The following ZNF512 variants were observed in gnomAD, a reference collection of about 807,000 sequenced individuals.
ZNF512 encodes the protein zinc finger protein 512.
ZNF512 carries 25 observed loss-of-function variants against 77.5 expected under a neutral mutation model. The observed-to-expected ratio is 0.32, with a 90% CI of 0.23 to 0.45. ZNF512 has a LOEUF of 0.45. Among genes scored for constraint, ZNF512 ranks in the 20% least tolerant of loss-of-function variants. The pLI, the probability that ZNF512 is intolerant of heterozygous loss-of-function variation, is 1.00. For missense variants in ZNF512, 483 were observed against 692.6 expected, an observed-to-expected ratio of 0.70 and a Z score of 3.40; for synonymous variants, 246 against 239.9, an observed-to-expected ratio of 1.03 and a Z score of -0.24.
At chr2:27,594,423 G>A (rs1243825147) in intron 2 of ZNF512, among the ~76,000 whole-genome samples, 1 of 142,748 alleles carries the variant, frequency 7.0e-6, no homozygotes, top group Admixed American at 7.0e-5. Flanking sequence ...ACGGGGTGGC[G>A]GCTGGGCAGA....
Position 27,609,062 on chromosome 2 carries a change from T to C in ZNF512, c.1131+1023T>C, listed in dbSNP as rs561641012. Among the ~76,000 whole-genome samples, 5 of 151,130 alleles carry C rather than the reference T, an allele frequency of 3.3e-5. No homozygotes were observed. In the South Asian group the frequency reaches 6.3e-4, roughly 19 times the overall value. Reference sequence around the variant, plus strand: ...AGGTGGAGGTTGCAGTGAGCCAAGATTGGACCACTGCACTCCAGCCTGGGT... The same window carrying C: ...AGGTGGAGGTTGCAGTGAGCCAAGACTGGACCACTGCACTCCAGCCTGGGT... On this transcript the variant is annotated intron_variant, in intron 10 of 13. Coordinates refer to ENST00000355467, the MANE Select transcript of ZNF512 (RefSeq NM_032434.4).
chr2:27,616,137 T>A, intron 11 of ZNF512, 125 bp from the exon 12 acceptor site: 1 of 644,180 alleles, frequency 1.6e-6, no homozygotes. Flanking sequence ...TTTTTTCGTT[T>A]GTTTTGTGGC....
chr2:27,608,021 G>T lies in ZNF512; in HGVS notation c.1113G>T (p.Leu371=). The T allele has an allele frequency of 6.3e-7, 1 of 1,576,196 alleles. No homozygotes were observed. Among genetic ancestry groups the T allele is most frequent in the South Asian group, 1.2e-5 (1 of 84,844 alleles). ...EWPKRKVLQD[L]VPDDRKLKYT... ...CCAAGAGGAAGGTGCTTCAGGACCT[G>T]GTACCTGATGATCGAAAGGTAAGGC... Residue 371 remains leucine, a synonymous_variant, in exon 10 of 14, where the codon CTG becomes CTT. Transcript: ENST00000355467.
At position 27,622,481 on chromosome 2, in the gene ZNF512, C is replaced by G. The variant is rs1673161354; in HGVS notation, c.*1020C>G. On this transcript the variant is annotated 3_prime_UTR_variant, in exon 14 of 14. Coordinates refer to ENST00000355467, the MANE Select transcript of ZNF512 (RefSeq NM_032434.4). ...TTTTCTGAGAATATTGTCCTATCCT[C>G]TTTTATATATGGAGTTCTCTCCTCT... 1 of 152,736 alleles carries G rather than the reference C, an allele frequency of 6.5e-6. No homozygotes were observed. Among genetic ancestry groups the G allele is most frequent in the African/African-American group, 2.4e-5 (1 of 41,436 alleles). 9.5% of individuals were successfully genotyped at this position (152,736 alleles called of 1,614,324 possible). A position where few individuals can be genotyped will look rare whatever the true frequency, so the allele number is the denominator to read the frequency against.
At position 27,611,976 on chromosome 2, in the gene ZNF512, G is replaced by A. The variant is rs571905785; in HGVS notation, c.1132-3192G>A. Among the ~76,000 whole-genome samples, 29 of 152,194 alleles carry A rather than the reference G, an allele frequency of 1.9e-4. 1 individual carries two copies. In the East Asian group the frequency reaches 3.9e-3, roughly 20 times the overall value. ...GCTGGGATTACAGGCATGAACCACC[G>A]TGCGTGGCCGCCTGTAACAGTTATG... is the stretch of plus-strand genomic sequence containing the variant. On this transcript the variant is annotated intron_variant, in intron 10 of 13. Transcript: ENST00000355467.
intron 2 of ZNF512, among the ~76,000 whole-genome samples, chr2:27,584,014 A>G (rs1671227073): frequency 1.3e-5 from 2 of 152,196 alleles, no homozygotes; most frequent in South Asian, 4.1e-4. Context: ...TATCATAGCT[A>G]CTAGCCCCGT....
At chr2:27,605,504 C>G (rs1053951804) in intron 9 of ZNF512, among the ~76,000 whole-genome samples, 1 of 151,640 alleles carries the variant, frequency 6.6e-6, no homozygotes, top group Non-Finnish European at 1.5e-5. Flanking sequence ...GAAACAGGGT[C>G]TTGCTCTTTT....
chr2:27,602,989 G>A (rs1007293891), intron 8 of ZNF512, 151 bp from the exon 9 acceptor site: 2 of 846,484 alleles, frequency 2.4e-6, no homozygotes, highest in Non-Finnish European at 3.7e-6. Context: ...ACAAGGAAGG[G>A]TTGTGCTGAT....
intron 10 of ZNF512, among the ~76,000 whole-genome samples, chr2:27,614,246 C>T (rs532703950): frequency 6.6e-6 from 1 of 152,150 alleles, no homozygotes; most frequent in Non-Finnish European, 1.5e-5. Context: ...CCATGGTGGA[C>T]TTTGCAAGAA....
chr2:27,598,404 C>A lies in ZNF512; in HGVS notation c.277+150C>A, dbSNP rs1051802957. 1.7e-5 allele frequency: 12 copies of A among 699,958 alleles called. No homozygotes were observed. The East Asian group carries it at 1.8e-4, about 10-fold the overall frequency. The allele number at this position is 699,958 out of a possible 1,614,324, so 43.4% of individuals were successfully genotyped here. ...CAGCACTTTGGGAGGTCGAGGCGGG[C>A]GGATCACAAGGTCAGGAGATCGAGA... On this transcript the variant is annotated intron_variant, in intron 3 of 13. Transcript: ENST00000355467.
Position 27,600,868 on chromosome 2 carries a change from G to A in ZNF512, c.582+53G>A, listed in dbSNP as rs987339598. 1.8e-5 allele frequency: 28 copies of A among 1,589,242 alleles called. No individual in the cohort carries two copies. The Admixed American group carries it at 2.5e-4, about 14-fold the overall frequency. On this transcript the variant is annotated intron_variant, in intron 6 of 13. Coordinates refer to ENST00000355467, the MANE Select transcript of ZNF512 (RefSeq NM_032434.4). ...TTACGATATTTTTACCCAAACTTTA[G>A]ACTTCTTTTGCTATGTTGGATATGC...
intron 10 of ZNF512, among the ~76,000 whole-genome samples, chr2:27,610,568 ATTTTTTT>A (rs767964486): frequency 0.045 from 821 of 18,144 alleles, 45 homozygotes; most frequent in African/African-American, 0.065. Flanking sequence ...ATATATATAT[ATTTTTTT>A]TTTTTTTTTT....
chr2:27,599,176 CTG>C (rs1355211082), intron 3 of ZNF512, among the ~76,000 whole-genome samples: 1 of 152,120 alleles, frequency 6.6e-6, no homozygotes, highest in African/African-American at 2.4e-5. Context: ...GTGTGATCCT[CTG>C]TTGATGATTT....
chr2:27,610,301 T>G (rs1672556657), intron 10 of ZNF512, among the ~76,000 whole-genome samples: 1 of 148,392 alleles, frequency 6.7e-6, no homozygotes, highest in African/African-American at 2.5e-5. Flanking sequence ...GGGGCAGAGG[T>G]TGCAGTGAGC....
intron 2 of ZNF512, among the ~76,000 whole-genome samples, chr2:27,591,765 A>G (rs1294814360): frequency 2.0e-5 from 3 of 151,842 alleles, no homozygotes; most frequent in East Asian, 3.9e-4. Context: ...CTGGTCTTGA[A>G]CTCATGGGCT....
chr2:27,593,558 C>T (rs1200942590), intron 2 of ZNF512, among the ~76,000 whole-genome samples: 1 of 152,144 alleles, frequency 6.6e-6, no homozygotes, highest in East Asian at 1.9e-4. Flanking sequence ...GAGGTCCAAG[C>T]TGCAGTGAGC....
At chr2:27,602,365 G>A (rs1269369599) in intron 7 of ZNF512, 98 bp from the exon 8 acceptor site, 2 of 1,203,532 alleles carry the variant, frequency 1.7e-6, no homozygotes, top group Non-Finnish European at 2.3e-6. Context: ...CACCAGCTTA[G>A]CTGCCAGTCC....
intron 2 of ZNF512, among the ~76,000 whole-genome samples, chr2:27,593,626 CA>C (rs1229686243): frequency 6.6e-6 from 1 of 151,954 alleles, no homozygotes; most frequent in Non-Finnish European, 1.5e-5. Context: ...CAAAACAAAA[CA>C]AAAAGATGTA....
chr2:27,591,536 T>A (rs1186237805), intron 2 of ZNF512, among the ~76,000 whole-genome samples: 1 of 152,182 alleles, frequency 6.6e-6, no homozygotes, highest in African/African-American at 2.4e-5. Context: ...TGCCTCAGCC[T>A]CCCGAGTAGC....
Sources: allele counts gnomAD v4.1 joint callset (sites outside exome capture counted in the v4.1 genomes callset), GRCh38; gene constraint gnomAD v4.1.1; transcripts MANE v1.5; gene names NCBI Gene and HGNC (gene_info 2026-07-23, HGNC 2026-07-21).